PRKG1: variants seen among roughly 807,000 people sequenced by gnomAD.
PRKG1 encodes the protein cGMP-dependent protein kinase 1.
PRKG1 carries 35 observed loss-of-function variants against 88.1 expected under a neutral mutation model. That is an observed-to-expected ratio of 0.40 (90% CI 0.30 to 0.53). PRKG1 has a LOEUF of 0.53. Ranked by LOEUF, PRKG1 falls within the 20% of genes least tolerant of loss-of-function variation. PRKG1 has a pLI of 0.59. For synonymous variants in PRKG1, 303 were observed against 292.5 expected, an observed-to-expected ratio of 1.04 and a Z score of -0.37; for missense variants, 540 against 839.8, an observed-to-expected ratio of 0.64 and a Z score of 4.41.
intron 9 of PRKG1, among the ~76,000 whole-genome samples, chr10:52,166,785 G>T (rs1838453734): frequency 4.2e-5 from 1 of 23,732 alleles, no homozygotes; most frequent in Non-Finnish European, 1.5e-4. Flanking sequence ...AAATAAAAAA[G>T]CCTATATATA....
chr10:51,421,305 A>C (rs1015179044), intron 2 of PRKG1, among the ~76,000 whole-genome samples: 1 of 152,048 alleles, frequency 6.6e-6, no homozygotes, highest in African/African-American at 2.4e-5. Flanking sequence ...CCAAGTATTT[A>C]ATACTATGAG....
chr10:51,317,079 G>A (rs1841341841), intron 2 of PRKG1, among the ~76,000 whole-genome samples: 1 of 152,156 alleles, frequency 6.6e-6, no homozygotes, highest in South Asian at 2.1e-4. Flanking sequence ...GGGTATGAAA[G>A]GTCTTTTATT....
chr10:51,655,002 C>T (rs2132320331), intron 3 of PRKG1, among the ~76,000 whole-genome samples: 2 of 152,254 alleles, frequency 1.3e-5, no homozygotes, highest in South Asian at 4.1e-4. Context: ...CTGTATTTTT[C>T]CTCCCATCTT....
At chr10:52,292,733 A>G (rs1842279937) in intron 17 of PRKG1, among the ~76,000 whole-genome samples, 1 of 152,062 alleles carries the variant, frequency 6.6e-6, no homozygotes, top group South Asian at 2.1e-4. Context: ...AAAACTCTCA[A>G]TAAATTAGGT....
chr10:51,768,865 T>A (rs983803238), intron 3 of PRKG1, among the ~76,000 whole-genome samples: 4 of 152,076 alleles, frequency 2.6e-5, no homozygotes, highest in African/African-American at 9.7e-5. Context: ...CAAAGAAAAA[T>A]TATTAAGTCT....
At chr10:51,063,249 G>A (rs1016342678) in intron 1 of PRKG1, among the ~76,000 whole-genome samples, 1 of 152,090 alleles carries the variant, frequency 6.6e-6, no homozygotes, top group African/African-American at 2.4e-5. Flanking sequence ...GTACAGCTGC[G>A]TCATTTAACA....
At chr10:51,768,080 A>C (rs1838215482) in intron 3 of PRKG1, among the ~76,000 whole-genome samples, 1 of 152,278 alleles carries the variant, frequency 6.6e-6, no homozygotes, top group East Asian at 1.9e-4. Context: ...AAATATCTTC[A>C]AAATTGAATC....
chr10:52,019,224 A>C, intron 5 of PRKG1, among the ~76,000 whole-genome samples: 1 of 152,216 alleles, frequency 6.6e-6, no homozygotes, highest in African/African-American at 2.4e-5. Context: ...CCATGACCCA[A>C]ACACCTCCCA....
At chr10:51,071,669 T>C (rs1196614254), upstream of PRKG1, among the ~76,000 whole-genome samples, 1 of 152,216 alleles carries the variant, frequency 6.6e-6, no homozygotes, top group Non-Finnish European at 1.5e-5. Context: ...TTACATAATT[T>C]AGTGTAAAAA....
At chr10:51,995,617 A>G (rs11000409) in intron 5 of PRKG1, among the ~76,000 whole-genome samples, 29,767 of 152,050 alleles carry the variant, frequency 0.2, 3,784 homozygotes, top group Non-Finnish European at 0.28. Flanking sequence ...GTTTGAACAC[A>G]TTACCTACAT....
At chr10:51,669,482 G>A (rs960234415) in intron 3 of PRKG1, among the ~76,000 whole-genome samples, 4 of 152,144 alleles carry the variant, frequency 2.6e-5, no homozygotes, top group Non-Finnish European at 5.9e-5. Flanking sequence ...GGAAGGGAGT[G>A]GGCACAATTC....
chr10:52,086,034 A>G (rs779521686), intron 7 of PRKG1, among the ~76,000 whole-genome samples: 1 of 151,894 alleles, frequency 6.6e-6, no homozygotes, highest in Non-Finnish European at 1.5e-5. Flanking sequence ...TTGTTTGATC[A>G]TGTTATTTAT....
chr10:51,582,666 GA>G (rs139847272), intron 3 of PRKG1, among the ~76,000 whole-genome samples: 10,492 of 152,090 alleles, frequency 0.069, 1,190 homozygotes, highest in African/African-American at 0.24. Flanking sequence ...AATACTCCAT[GA>G]TGTATATGTA....
At chr10:51,235,217 T>C (rs1373443380) in intron 2 of PRKG1, among the ~76,000 whole-genome samples, 1 of 152,214 alleles carries the variant, frequency 6.6e-6, no homozygotes, top group East Asian at 1.9e-4. Flanking sequence ...TGTTTTTCTG[T>C]TACTTATTGT....
intron 3 of PRKG1, among the ~76,000 whole-genome samples, chr10:51,691,816 A>G (rs1328285901): frequency 6.6e-6 from 1 of 152,238 alleles, no homozygotes; most frequent in Non-Finnish European, 1.5e-5. Flanking sequence ...TTGACTGGTC[A>G]AATAAAACAT....
intron 2 of PRKG1, among the ~76,000 whole-genome samples, chr10:51,219,079 C>G (rs890083064): frequency 6.6e-6 from 1 of 152,076 alleles, no homozygotes; most frequent in Non-Finnish European, 1.5e-5. Flanking sequence ...GAAATACTTT[C>G]AAATTATTTT....
intron 1 of PRKG1, among the ~76,000 whole-genome samples, chr10:50,997,682 G>C (rs1341086596): frequency 1.3e-5 from 2 of 152,110 alleles, no homozygotes; most frequent in Non-Finnish European, 2.9e-5. Context: ...AAGTTACTGT[G>C]AGCTCTGAGA....
In PRKG1 at chr10:52,298,188, T is replaced by A. The variant is rs971430330; in HGVS notation, c.*4288T>A. On this transcript the variant is annotated 3_prime_UTR_variant, in exon 18 of 18. Transcript: ENST00000373980. ...TTGTTAGTCAGAATGCAACAAACTG[T>A]CATCAAATGGTCATTGACCACTTGC... 3.3e-5 allele frequency: 5 copies of A among 152,044 alleles called. No individual in the cohort carries two copies. Among genetic ancestry groups the A allele is most frequent in the Non-Finnish European group, 7.4e-5 (5 of 68,024 alleles). The allele number at this position is 152,044 out of a possible 1,614,324, so 9.4% of individuals were successfully genotyped here. A position where few individuals can be genotyped will look rare whatever the true frequency, so the allele number is the denominator to read the frequency against.
chr10:51,057,141 CAT>C (rs553034642), intron 1 of PRKG1, among the ~76,000 whole-genome samples: 134 of 152,326 alleles, frequency 8.8e-4, no homozygotes, highest in Non-Finnish European at 1.7e-3. Flanking sequence ...CGTATGCACA[CAT>C]ATATATTGTG....
Sources: allele counts gnomAD v4.1 joint callset (sites outside exome capture counted in the v4.1 genomes callset), GRCh38; gene constraint gnomAD v4.1.1; transcripts MANE v1.5; gene names NCBI Gene and HGNC (gene_info 2026-07-23, HGNC 2026-07-21).